Variants in ARHGEF12 observed in about 807,000 individuals in gnomAD.
The protein encoded by ARHGEF12 is Rho guanine nucleotide exchange factor 12, also known as KMT2A/ARHGEF12 fusion protein.
Under a neutral mutation model 211.2 loss-of-function variants are expected in ARHGEF12, and 66 were observed. The observed-to-expected ratio is 0.31, with a 90% CI of 0.26 to 0.38. The LOEUF is 0.38. Ranked by LOEUF, ARHGEF12 falls within the 10% of genes least tolerant of loss-of-function variation. The pLI is 1.00. For missense variants in ARHGEF12, 1,429 were observed against 1,869.5 expected (o/e 0.76, Z 4.34); for synonymous variants, 592 against 638.4 (o/e 0.93, Z 1.09).
chr11:120,405,447 C>T (rs1944671369), intron 1 of ARHGEF12, among the ~76,000 whole-genome samples: 1 of 152,020 alleles, frequency 6.6e-6, no homozygotes, highest in South Asian at 2.1e-4. Flanking sequence ...ATAGGACCCC[C>T]CCAGAAAAAC....
rs139028370 is a variant in ARHGEF12, at chr11:120,423,683, C to T, written c.349-675C>T. Among the ~76,000 whole-genome samples, 11 of 152,024 alleles carry T rather than the reference C, an allele frequency of 7.2e-5. No homozygotes were observed. In the East Asian group the frequency reaches 1.9e-3, roughly 27 times the overall value. ...TGTGTGTATACTAGAAAAGTGTCTC[C>T]AAAATTAAATGTCATAGCTAACAGT... On this transcript the variant is annotated intron_variant, in intron 6 of 40. Transcript: ENST00000397843.
chr11:120,449,147 G>A lies in ARHGEF12; in HGVS notation c.1776G>A (p.Gly592=). Residue 592 remains glycine (G), a synonymous_variant, in exon 21 of 41, where the codon GGG becomes GGA. Transcript: ENST00000397843. ...AAGATAAAGAAGGGGAAGAAAAAGG[G>A]AAGCGAAGAGGATTCCCCAGCATCC... is the stretch of plus-strand genomic sequence containing the variant. ...MKKDKEGEEK[G]KRRGFPSILG... 1 of 1,614,148 alleles carries A rather than the reference G, an allele frequency of 6.2e-7. No homozygotes were observed.
At position 120,448,660 on chromosome 11, in the gene ARHGEF12, G is replaced by A. The variant is rs991749684; in HGVS notation, c.1737+312G>A. On this transcript the variant is annotated intron_variant, in intron 20 of 40. Transcript: ENST00000397843. ...ATACCCCCTGTGTTGCTACATAATC[G>A]TCATGAACATCTTTAGTGGCAGTAG... 40 of 342,368 alleles carry A rather than the reference G, an allele frequency of 1.2e-4. No homozygotes were observed. In the East Asian group the frequency reaches 1.9e-3, roughly 16 times the overall value. The allele number at this position is 342,368 out of a possible 1,614,324, so 21.2% of individuals were successfully genotyped here.
At position 120,480,331 on chromosome 11, in the gene ARHGEF12, C is replaced by A. The variant is rs1299684052; in HGVS notation, c.4138C>A (p.His1380Asn). 4 of 1,614,146 alleles carry A rather than the reference C, an allele frequency of 2.5e-6. No individual in the cohort carries two copies. Among genetic ancestry groups the A allele is most frequent in the Non-Finnish European group, 3.4e-6 (4 of 1,180,036 alleles). ...PEGGLDDSGE[H>N]FFDAREAHSD... ...AGGGGGTCTTGATGACAGTGGAGAG[C>A]ACTTTTTTGATGCCCGTGAAGCACA... Residue 1380 changes from histidine to asparagine, a missense_variant, in exon 38 of 41, where the codon CAC becomes AAC. By Grantham distance (68) the His-to-Asn change is moderately conservative. Coordinates refer to ENST00000397843, the MANE Select transcript of ARHGEF12 (RefSeq NM_015313.3).
Position 120,458,223 on chromosome 11 carries a change from A to C in ARHGEF12, c.2369A>C (p.Glu790Ala), listed in dbSNP as rs1450037738. ...AAACCTTGTGAAATCAAAAGACAGG[A>C]AGTGATTAATGGTGAGTGTAATCAA... ...GLKPCEIKRQEVINELFYTER... is the reference protein window; with the variant it reads ...GLKPCEIKRQAVINELFYTER... Residue 790 changes from glutamate (E) to alanine (A), a missense_variant, in exon 25 of 41, where the codon GAA becomes GCA. Physicochemically the swap from Glu to Ala is moderately radical, Grantham distance 107. Transcript: ENST00000397843. The C allele has an allele frequency of 6.2e-7, 1 of 1,613,722 alleles. No homozygotes were observed. The highest frequency in any genetic ancestry group is 1.1e-5 in the South Asian group (1 of 90,994).
intron 12 of ARHGEF12, chr11:120,439,409 G>A (rs1009280981): frequency 5.3e-5 from 8 of 152,196 alleles, no homozygotes; most frequent in African/African-American, 1.4e-4. Context: ...GTCTGGAAAC[G>A]CTGCAGCTGG....
At chr11:120,368,494 G>C (rs1943494408) in intron 1 of ARHGEF12, among the ~76,000 whole-genome samples, 1 of 152,148 alleles carries the variant, frequency 6.6e-6, no homozygotes, top group Non-Finnish European at 1.5e-5. Context: ...TACCTGGTAT[G>C]TTCTGAGTAT....
In ARHGEF12 at chr11:120,446,994, A is replaced by C; in HGVS notation, c.1498A>C (p.Lys500Gln). ...GACCTTGGCTGAAAGCGAGCTGACT[A>C]AACTTGATGCAGAGCGAGACAAGGA... Reference protein sequence around the residue: ...GLTLAESELTKLDAERDKDRL... With the variant: ...GLTLAESELTQLDAERDKDRL... The change falls in exon 18 of 41, where the codon AAA (lysine) becomes CAA (glutamine). Residue 500 changes from lysine (K) to glutamine (Q), a missense_variant. Transcript: ENST00000397843. The C allele has an allele frequency of 6.2e-7, 1 of 1,614,234 alleles. No individual in the cohort carries two copies.
At chr11:120,406,295 G>T (rs1297553914) in intron 2 of ARHGEF12, among the ~76,000 whole-genome samples, 154 bp downstream of exon 2, 1 of 152,066 alleles carries the variant, frequency 6.6e-6, no homozygotes, top group Admixed American at 6.5e-5. Context: ...AAATGTAAAA[G>T]ATGTTACTTT....
intron 11 of ARHGEF12, 108 bp from the exon 12 acceptor site, chr11:120,437,200 G>A: frequency 2.9e-6 from 2 of 687,160 alleles, no homozygotes; most frequent in Admixed American, 3.1e-5. Flanking sequence ...TTTAGTAGTT[G>A]TAAATACAAA....
At chr11:120,343,208 T>C (rs1405635651) in intron 1 of ARHGEF12, among the ~76,000 whole-genome samples, 1 of 152,230 alleles carries the variant, frequency 6.6e-6, no homozygotes. Flanking sequence ...CTGTAGACCT[T>C]TTGAATACTT....
chr11:120,457,371 T>G (rs572320987), intron 23 of ARHGEF12, 121 bp downstream of exon 23: 1 of 1,184,046 alleles, frequency 8.4e-7, no homozygotes, highest in South Asian at 1.9e-5. Flanking sequence ...GTACCTATAA[T>G]GCCAGCTACT....
intron 29 of ARHGEF12, among the ~76,000 whole-genome samples, chr11:120,469,037 G>A (rs896203747): frequency 4.6e-5 from 7 of 152,084 alleles, no homozygotes; most frequent in African/African-American, 1.7e-4. Flanking sequence ...TCTCTTCTTG[G>A]ATTTCGGGTT....
chr11:120,477,690 C>A, intron 36 of ARHGEF12, 164 bp downstream of exon 36: 1 of 562,614 alleles, frequency 1.8e-6, no homozygotes, highest in Non-Finnish European at 3.0e-6. Context: ...CATGACAAAA[C>A]CCTGTCTCTA....
chr11:120,368,511 G>A (rs1943494918), intron 1 of ARHGEF12, among the ~76,000 whole-genome samples: 1 of 152,102 alleles, frequency 6.6e-6, no homozygotes, highest in Non-Finnish European at 1.5e-5. Context: ...GTATCAGGCT[G>A]TGTACTTAAC....
intron 22 of ARHGEF12, among the ~76,000 whole-genome samples, chr11:120,454,237 G>C (rs1183022316): frequency 6.6e-6 from 1 of 152,114 alleles, no homozygotes; most frequent in East Asian, 1.9e-4. Context: ...ACTCACCCTT[G>C]TCAGAGTCAA....
At chr11:120,469,252 G>T (rs1430526381) in intron 29 of ARHGEF12, 36 bp from the exon 30 acceptor site, 2 of 1,522,740 alleles carry the variant, frequency 1.3e-6, no homozygotes, top group Admixed American at 1.9e-5. Context: ...TTTTTGCTCA[G>T]TTCTTTTACA....
intron 12 of ARHGEF12, chr11:120,438,477 C>T (rs951141794): frequency 3.3e-5 from 5 of 151,958 alleles, no homozygotes; most frequent in African/African-American, 1.2e-4. Flanking sequence ...ATATTAAAGC[C>T]TTGAGGTTAA....
chr11:120,359,794 A>ACAGGGGAGTAGTAGTAGAACAGG (rs1943231174), intron 1 of ARHGEF12, among the ~76,000 whole-genome samples: 1 of 152,364 alleles, frequency 6.6e-6, no homozygotes, highest in East Asian at 1.9e-4. Flanking sequence ...AGGAACAGCT[A>ACAGGGGAGTAGTAGTAGAACAGG]CAGGGGAGTA....
Sources: gnomAD v4.1 joint callset for allele counts (sites outside exome capture counted in the v4.1 genomes callset) on GRCh38, gnomAD v4.1.1 for gene constraint, MANE v1.5 for transcripts, NCBI Gene and HGNC (gene_info 2026-07-23, HGNC 2026-07-21) for gene names.